DOT1L: variants seen among roughly 807,000 people sequenced by gnomAD.
DOT1L encodes histone-lysine N-methyltransferase, H3 lysine-79 specific.
DOT1L carries 33 observed loss-of-function variants against 153.3 expected under a neutral mutation model. The ratio of observed to expected loss-of-function variants is 0.22; its 90% CI spans 0.16 to 0.29. The LOEUF is 0.29. Ranked by LOEUF, DOT1L falls within the 10% of genes least tolerant of loss-of-function variation. The pLI is 1.00. For missense variants in DOT1L, 1,847 were observed against 2,119.9 expected (o/e 0.87, Z 2.53); for synonymous variants, 1,135 against 965.1 (o/e 1.18, Z -3.26).
At chr19:2,228,594 G>A (rs1428336349) in intron 27 of DOT1L, 1 of 985,286 alleles carries the variant, frequency 1.0e-6, no homozygotes, top group African/African-American at 1.7e-5. Context: ...GGTTCCAGCT[G>A]CCCGCAGCTG....
intron 9 of DOT1L, among the ~76,000 whole-genome samples, chr19:2,205,173 G>A (rs2023445173): frequency 6.6e-6 from 1 of 152,050 alleles, no homozygotes; most frequent in Non-Finnish European, 1.5e-5. Context: ...GGGTTTCACT[G>A]TGTTAGCCAG....
At chr19:2,178,024 G>A (rs1231434747) in intron 1 of DOT1L, among the ~76,000 whole-genome samples, 5 of 151,676 alleles carry the variant, frequency 3.3e-5, no homozygotes, top group African/African-American at 1.2e-4. Context: ...CTGAGTTCAA[G>A]TGAATCTCCT....
At chr19:2,185,188 G>C (rs1025727930) in intron 2 of DOT1L, among the ~76,000 whole-genome samples, 11 of 152,170 alleles carry the variant, frequency 7.2e-5, no homozygotes, top group African/African-American at 2.2e-4. Flanking sequence ...ACAGGTGTGA[G>C]CCACCGCACC....
intron 1 of DOT1L, among the ~76,000 whole-genome samples, chr19:2,179,786 G>GACAA (rs373685136): frequency 5.9e-5 from 9 of 152,148 alleles, no homozygotes; most frequent in South Asian, 4.2e-4. Context: ...CAGCCTGGGC[G>GACAA]ACAAACAAAC....
intron 1 of DOT1L, among the ~76,000 whole-genome samples, chr19:2,176,911 G>C (rs1328016936): frequency 6.6e-6 from 1 of 152,208 alleles, no homozygotes; most frequent in Non-Finnish European, 1.5e-5. Flanking sequence ...CCTGCCGTGG[G>C]CCCTGACAGT....
intron 3 of DOT1L, among the ~76,000 whole-genome samples, chr19:2,187,351 C>T (rs766746573): frequency 2.1e-4 from 32 of 152,220 alleles, no homozygotes; most frequent in African/African-American, 6.5e-4. Flanking sequence ...GTGCTCACGG[C>T]GCCCCTCCAC....
chr19:2,164,192 A>G lies in DOT1L; in HGVS notation c.8A>G (p.Glu3Gly), dbSNP rs938587840. ...GCGGCCGCGCGCGCGGACATGGGGGAGAAGCTGGAGCTGAGACTGAAGTCG... is the reference window on the plus strand; with the variant it reads ...GCGGCCGCGCGCGCGGACATGGGGGGGAAGCTGGAGCTGAGACTGAAGTCG... MG[E>G]KLELRLKSPV... Residue 3 changes from glutamate to glycine, a missense_variant, in exon 1 of 28, where the codon GAG becomes GGG. Glu to Gly is a moderately conservative substitution (Grantham distance 98). Around this residue, in one of 8 missense-constraint regions of DOT1L, gnomAD observed 37 missense variants for 31.0 expected, o/e 1.19. Transcript: ENST00000398665. The G allele has an allele frequency of 8.7e-7, 1 of 1,146,902 alleles. No individual in the cohort carries two copies. The highest frequency in any genetic ancestry group is 4.6e-5 in the East Asian group (1 of 21,750). The allele number at this position is 1,146,902 out of a possible 1,614,324, so 71.0% of individuals were successfully genotyped here.
In DOT1L at chr19:2,213,962, G is replaced by A. The variant is rs139754435; in HGVS notation, c.1773G>A (p.Ala591=). 2.1e-5 allele frequency: 34 copies of A among 1,612,798 alleles called. No homozygotes were observed. The highest frequency in any genetic ancestry group is 2.2e-5 in the South Asian group (2 of 91,080). The part of the protein sequence containing the change: ...QSEQLEQDNR[A]LRGQSLQLLK... ...AGCAGCTGGAGCAGGACAACCGCGC[G>A]CTCCGCGGCCAGAGCTTGCAGCTGG... Residue 591 remains alanine (A), a synonymous_variant, in exon 18 of 28, where the codon GCG becomes GCA. Transcript: ENST00000398665.
In DOT1L at chr19:2,191,514, C is replaced by A. The variant is rs562599984; in HGVS notation, c.493+274C>A. Among the ~76,000 whole-genome samples the A allele has an allele frequency of 2.0e-5, 3 of 152,094 alleles. No individual in the cohort carries two copies. Among genetic ancestry groups the A allele is most frequent in the African/African-American group, 7.2e-5 (3 of 41,422 alleles). On this transcript the variant is annotated intron_variant, in intron 5 of 27. Coordinates refer to ENST00000398665, the MANE Select transcript of DOT1L (RefSeq NM_032482.3). The surrounding 1 kb of genome is among the most constrained non-coding windows in gnomAD (Gnocchi z 6.8). ...CGGAGACTCTGCTTTCGTCCTGCTTCCCACCAGCTGGGGAGCTAGACCTGT... is the reference window on the plus strand; with the variant it reads ...CGGAGACTCTGCTTTCGTCCTGCTTACCACCAGCTGGGGAGCTAGACCTGT...
intron 1 of DOT1L, among the ~76,000 whole-genome samples, chr19:2,167,222 A>G (rs993473674): frequency 6.6e-6 from 1 of 152,172 alleles, no homozygotes; most frequent in African/African-American, 2.4e-5. Flanking sequence ...GGTGGACCGC[A>G]CGGCCTGTGC....
At chr19:2,219,091 C>CA (rs1304586865) in intron 22 of DOT1L, among the ~76,000 whole-genome samples, 4 of 152,212 alleles carry the variant, frequency 2.6e-5, no homozygotes, top group African/African-American at 9.6e-5. Context: ...GAGCTGGTCT[C>CA]AAACTCCTGA....
chr19:2,206,415 AG>A (rs2023495530), intron 9 of DOT1L, among the ~76,000 whole-genome samples: 2 of 149,656 alleles, frequency 1.3e-5, no homozygotes. Flanking sequence ...AAAATTAGCC[AG>A]GTGTGGTGGT....
intron 1 of DOT1L, among the ~76,000 whole-genome samples, chr19:2,169,288 C>T (rs1388255624): frequency 6.6e-6 from 1 of 152,116 alleles, no homozygotes; most frequent in East Asian, 1.9e-4. Context: ...CCAGCTCCCC[C>T]GGAGGCAGAT....
In DOT1L at chr19:2,220,468, G is replaced by A. The variant is rs1190389338; in HGVS notation, c.2806+246G>A. On this transcript the variant is annotated intron_variant, in intron 23 of 27. Coordinates refer to ENST00000398665, the MANE Select transcript of DOT1L (RefSeq NM_032482.3). The surrounding 1 kb of genome is among the most constrained non-coding windows in gnomAD (Gnocchi z 4.5). ...TCCCGACACTGACACCTCCTGCTTG[G>A]GTGTATTAATTCAGCCCGTGAGGTC... 25 of 623,696 alleles carry A rather than the reference G, an allele frequency of 4.0e-5. No individual in the cohort carries two copies. Among genetic ancestry groups the A allele is most frequent in the Non-Finnish European group, 3.9e-5 (13 of 334,362 alleles). 38.6% of individuals were successfully genotyped at this position (623,696 alleles called of 1,614,324 possible). A position where few individuals can be genotyped will look rare whatever the true frequency, so the allele number is the denominator to read the frequency against.
rs375593817 is a variant in DOT1L, at chr19:2,210,435, C to T, written c.1041C>T (p.Arg347=). Residue 347 remains arginine (R), a synonymous_variant, in exon 13 of 28, where the codon CGC becomes CGT. Coordinates refer to ENST00000398665, the MANE Select transcript of DOT1L (RefSeq NM_032482.3). ...AGGCAGCCCGGCGCCGCCAGCAGCGCGAGAGCAAGAGCAACGCGGCCACGC... is the reference window on the plus strand; with the variant it reads ...AGGCAGCCCGGCGCCGCCAGCAGCGTGAGAGCAAGAGCAACGCGGCCACGC... ...EQEAARRRQQ[R]ESKSNAATPT... 46 of 1,565,980 alleles carry T rather than the reference C, an allele frequency of 2.9e-5. No homozygotes were observed. Among genetic ancestry groups the T allele is most frequent in the Middle Eastern group, 2.1e-4 (1 of 4,780 alleles).
At position 2,222,585 on chromosome 19, in the gene DOT1L, G is replaced by T; in HGVS notation, c.3390+26G>T. 1 of 1,513,372 alleles carries T rather than the reference G, an allele frequency of 6.6e-7. No homozygotes were observed. Among genetic ancestry groups the T allele is most frequent in the Non-Finnish European group, 8.8e-7 (1 of 1,135,150 alleles). 93.7% of individuals were successfully genotyped at this position (1,513,372 alleles called of 1,614,324 possible). A position where few individuals can be genotyped will look rare whatever the true frequency, so the allele number is the denominator to read the frequency against. On this transcript the variant is annotated intron_variant, in intron 24 of 27. Transcript: ENST00000398665. The surrounding 1 kb of genome is among the most constrained non-coding windows in gnomAD (Gnocchi z 6.5). ...GTAAGGATGGGGACCGGCAGGGCTG[G>T]GGAGCGCGGCCTGTGAAAGAAAGAC...
Position 2,191,454 on chromosome 19 carries a change from G to A in DOT1L, c.493+214G>A. ...AGAGGGGAGAAATCGCAGGAACCCA[G>A]TGGCTCCCAGACCAGGCCCATCCTC... On this transcript the variant is annotated intron_variant, in intron 5 of 27. Coordinates refer to ENST00000398665, the MANE Select transcript of DOT1L (RefSeq NM_032482.3). The surrounding 1 kb of genome is among the most constrained non-coding windows in gnomAD (Gnocchi z 6.8). The A allele has an allele frequency of 1.7e-6, 1 of 600,270 alleles. No homozygotes were observed. Among genetic ancestry groups the A allele is most frequent in the East Asian group, 2.8e-5 (1 of 35,460 alleles). 37.2% of individuals were successfully genotyped at this position (600,270 alleles called of 1,614,324 possible).
Position 2,222,728 on chromosome 19 carries a change from G to A in DOT1L, c.3390+169G>A, listed in dbSNP as rs921566428. 9.0e-6 allele frequency: 6 copies of A among 670,294 alleles called. No individual in the cohort carries two copies. The highest frequency in any genetic ancestry group is 2.9e-5 in the East Asian group (1 of 34,914). 41.5% of individuals were successfully genotyped at this position (670,294 alleles called of 1,614,324 possible). A position where few individuals can be genotyped will look rare whatever the true frequency, so the allele number is the denominator to read the frequency against. ...ATCCTGGCTAACACGGTGAAACCCC[G>A]TCTCTACCAAAAATACAAAAGATTA... On this transcript the variant is annotated intron_variant, in intron 24 of 27. Coordinates refer to ENST00000398665, the MANE Select transcript of DOT1L (RefSeq NM_032482.3). This position sits in a 1 kb window ranked among gnomAD's most constrained non-coding sequence, Gnocchi z 6.5.
At chr19:2,165,227 T>G (rs2019863469) in intron 1 of DOT1L, among the ~76,000 whole-genome samples, 1 of 151,912 alleles carries the variant, frequency 6.6e-6, no homozygotes, top group African/African-American at 2.4e-5. Context: ...GGGCGCGAGT[T>G]TTGGGGGGCG....
Sources: gnomAD v4.1 joint callset for allele counts (sites outside exome capture counted in the v4.1 genomes callset) on GRCh38, gnomAD v4.1.1 for gene constraint, gnomAD v4.1.1 regional missense constraint, Gnocchi (gnomAD v3.1) non-coding constraint, MANE v1.5 for transcripts, NCBI Gene and HGNC (gene_info 2026-07-23, HGNC 2026-07-21) for gene names.